DGKB: variants seen among roughly 807,000 people sequenced by gnomAD.
DGKB encodes 90 kDa diacylglycerol kinase.
Under a neutral mutation model 114.3 loss-of-function variants are expected in DGKB, and 67 were observed. The ratio of observed to expected loss-of-function variants is 0.59; its 90% confidence interval spans 0.48 to 0.72. DGKB has a LOEUF of 0.72. Ranked by LOEUF, DGKB falls within the 30% of genes least tolerant of loss-of-function variation. The pLI is 0.00. For synonymous variants in DGKB, 398 were observed against 323.1 expected (o/e 1.23, Z -2.49); for missense variants, 907 against 975.2 (o/e 0.93, Z 0.93).
chr7:14,645,372 A>G (rs1156748521), intron 13 of DGKB, among the ~76,000 whole-genome samples: 1 of 152,038 alleles, frequency 6.6e-6, no homozygotes, highest in African/African-American at 2.4e-5. Flanking sequence ...GCTGAGCTAT[A>G]GGTGGTGAGA....
intron 5 of DGKB, among the ~76,000 whole-genome samples, chr7:14,735,690 C>G (rs765233984): frequency 6.6e-6 from 1 of 151,958 alleles, no homozygotes; most frequent in African/African-American, 2.4e-5. Flanking sequence ...AATATTATAC[C>G]TTTTTAGATA....
intron 1 of DGKB, among the ~76,000 whole-genome samples, chr7:14,916,526 G>C (rs1206804599): frequency 1.3e-5 from 2 of 152,028 alleles, no homozygotes; most frequent in African/African-American, 2.4e-5. Context: ...GTCTATTTTA[G>C]AGCAATAAAA....
chr7:14,667,305 A>T (rs1315333605), intron 13 of DGKB, among the ~76,000 whole-genome samples: 1 of 152,042 alleles, frequency 6.6e-6, no homozygotes, highest in African/African-American at 2.4e-5. Context: ...TATGTCATTA[A>T]GATACAAGGC....
intron 20 of DGKB, among the ~76,000 whole-genome samples, chr7:14,490,942 T>C (rs1563310254): frequency 6.6e-6 from 1 of 151,696 alleles, no homozygotes; most frequent in Non-Finnish European, 1.5e-5. Flanking sequence ...ACCTGATTAA[T>C]TGTGGTAATT....
intron 2 of DGKB, among the ~76,000 whole-genome samples, chr7:14,782,806 T>C (rs2128491341): frequency 6.6e-6 from 1 of 152,198 alleles, no homozygotes; most frequent in African/African-American, 2.4e-5. Flanking sequence ...AGTGTGATTG[T>C]ACCTCAGTTT....
chr7:14,736,899 G>A lies in DGKB; in HGVS notation c.169-705C>T, dbSNP rs1173686335. Among the ~76,000 whole-genome samples the A allele has an allele frequency of 2.0e-5, 3 of 152,186 alleles. No individual in the cohort carries two copies. The East Asian group carries it at 5.8e-4, about 29-fold the overall frequency. ...GATGGAAGACAACTTCCAACCTCAA[G>A]CTTAATGAGAGCGTTTCACAGGAGC... On this transcript the variant is annotated intron_variant, in intron 4 of 25. Coordinates refer to ENST00000402815, the MANE Select transcript of DGKB (RefSeq NM_001350709.2).
chr7:14,204,352 CTAAT>C (rs1163233547), intron 23 of DGKB, among the ~76,000 whole-genome samples: 1 of 151,892 alleles, frequency 6.6e-6, no homozygotes, highest in African/African-American at 2.4e-5. Context: ...TTCAACTGTT[CTAAT>C]TTATTGCAGC....
At chr7:14,561,867 A>T (rs1796701996) in intron 20 of DGKB, among the ~76,000 whole-genome samples, 1 of 152,246 alleles carries the variant, frequency 6.6e-6, no homozygotes, top group African/African-American at 2.4e-5. Flanking sequence ...CTGCTGCAGA[A>T]ATCTGCATAA....
At chr7:14,931,928 T>A (rs932229004) in intron 1 of DGKB, among the ~76,000 whole-genome samples, 15 of 151,856 alleles carry the variant, frequency 9.9e-5, no homozygotes, top group African/African-American at 3.6e-4. Flanking sequence ...GCTGCAGGAG[T>A]CCATTCCCTG....
intron 2 of DGKB, among the ~76,000 whole-genome samples, chr7:14,823,066 T>A (rs1845168975): frequency 6.6e-6 from 1 of 151,834 alleles, no homozygotes; most frequent in Admixed American, 6.6e-5. Flanking sequence ...TATGTCTAAT[T>A]ATCTCATCTC....
chr7:14,392,032 T>G (rs1424111815), intron 21 of DGKB, among the ~76,000 whole-genome samples: 1 of 152,184 alleles, frequency 6.6e-6, no homozygotes, highest in African/African-American at 2.4e-5. Flanking sequence ...TCTTAGTACA[T>G]TTATAATATA....
At chr7:14,317,571 C>A (rs1456071271) in intron 23 of DGKB, among the ~76,000 whole-genome samples, 1 of 150,470 alleles carries the variant, frequency 6.6e-6, no homozygotes, top group Non-Finnish European at 1.5e-5. Context: ...AGGAATCCAA[C>A]TTACAAGGGA....
intron 1 of DGKB, among the ~76,000 whole-genome samples, chr7:14,881,592 A>G (rs935383679): frequency 1.3e-5 from 2 of 152,096 alleles, no homozygotes. Flanking sequence ...AATAGGCAAA[A>G]TGATTGCTAG....
At chr7:14,884,721 T>C (rs957690665) in intron 1 of DGKB, among the ~76,000 whole-genome samples, 3 of 151,954 alleles carry the variant, frequency 2.0e-5, no homozygotes, top group African/African-American at 4.8e-5. Flanking sequence ...TCAATCCTGA[T>C]TCATGTTTTA....
At chr7:14,734,119 C>T (rs1367792077) in intron 5 of DGKB, among the ~76,000 whole-genome samples, 1 of 152,004 alleles carries the variant, frequency 6.6e-6, no homozygotes, top group African/African-American at 2.4e-5. Context: ...ACTGCAACCT[C>T]TGCTTCCTGG....
chr7:14,803,894 G>C (rs1483033502), intron 2 of DGKB, among the ~76,000 whole-genome samples: 1 of 151,968 alleles, frequency 6.6e-6, no homozygotes, highest in Non-Finnish European at 1.5e-5. Flanking sequence ...TGTTCTAAAA[G>C]ATACTTAGCA....
At chr7:14,456,234 T>A (rs1242364711) in intron 21 of DGKB, among the ~76,000 whole-genome samples, 1 of 152,084 alleles carries the variant, frequency 6.6e-6, no homozygotes, top group Non-Finnish European at 1.5e-5. Flanking sequence ...TACCTCATTA[T>A]GTATATGGAA....
intron 23 of DGKB, among the ~76,000 whole-genome samples, chr7:14,338,288 G>A (rs546599980): frequency 6.6e-6 from 1 of 151,978 alleles, no homozygotes; most frequent in South Asian, 2.1e-4. Flanking sequence ...TATTTTCTGT[G>A]GGAAGAGCTA....
intron 17 of DGKB, among the ~76,000 whole-genome samples, chr7:14,605,333 CTATATTTCATATA>C (rs1245024722): frequency 1.1e-4 from 16 of 148,318 alleles, no homozygotes; most frequent in East Asian, 7.9e-4. Context: ...AACTATCTAC[CTATATTTCATATA>C]TATATTTCAT....
Sources: allele counts gnomAD v4.1 joint callset (sites outside exome capture counted in the v4.1 genomes callset), GRCh38; gene constraint gnomAD v4.1.1; transcripts MANE v1.5; gene names NCBI Gene and HGNC (gene_info 2026-07-23, HGNC 2026-07-21).